Variants in NHEJ1 observed in about 807,000 individuals in gnomAD.
NHEJ1 encodes the protein non-homologous end-joining factor 1.
Under a neutral mutation model 39.4 loss-of-function variants are expected in NHEJ1, and 22 were observed. The observed-to-expected ratio is 0.56, with a 90% CI of 0.40 to 0.80. The LOEUF (loss-of-function observed/expected upper bound fraction) is 0.80. Ranked by LOEUF, NHEJ1 falls within the 30% of genes least tolerant of loss-of-function variation. The pLI is 0.00. For missense variants in NHEJ1, 329 were observed against 357.1 expected (o/e 0.92, Z 0.63); for synonymous variants, 154 against 135.6 (o/e 1.14, Z -0.94).
At chr2:219,112,482 T>C (rs996386724) in intron 5 of NHEJ1, among the ~76,000 whole-genome samples, 2 of 152,152 alleles carry the variant, frequency 1.3e-5, no homozygotes, top group Non-Finnish European at 2.9e-5. Flanking sequence ...AACTGCAGTC[T>C]CTCCAGGAAC....
intron 1 of NHEJ1, among the ~76,000 whole-genome samples, chr2:219,160,333 C>A (rs1035587133): frequency 6.6e-6 from 1 of 152,230 alleles, no homozygotes; most frequent in Non-Finnish European, 1.5e-5. Context: ...CCCACCACAA[C>A]CATAGCCCCA....
chr2:219,076,589 G>T (rs1024789577), intron 7 of NHEJ1, 134 bp from the exon 8 acceptor site: 2 of 782,954 alleles, frequency 2.6e-6, no homozygotes, highest in Non-Finnish European at 4.0e-6. Context: ...TTCCACCCAG[G>T]CTGGAGTACA....
At chr2:219,109,016 G>A (rs1949338872) in intron 5 of NHEJ1, among the ~76,000 whole-genome samples, 1 of 152,174 alleles carries the variant, frequency 6.6e-6, no homozygotes, top group African/African-American at 2.4e-5. Context: ...ACAAAGGATT[G>A]GGACTAGAGA....
In NHEJ1 at chr2:219,159,949, AAATG is replaced by A. The variant is rs199768337; in HGVS notation, c.-1+767_-1+770del. 9.8e-4 allele frequency among the ~76,000 whole-genome samples: 149 copies of A among 152,188 alleles called. 2 individuals carry two copies. In the East Asian group the frequency reaches 0.025, roughly 26 times the overall value. On this transcript the variant is annotated intron_variant, in intron 1 of 7. Transcript: ENST00000356853. Reference sequence around the variant, plus strand: ...TGTTGGGTAAAGGGGGAGGAGTTTAAAATGTGGCCAGGAGTAACGGGCCCTATAA... The same window carrying A: ...TGTTGGGTAAAGGGGGAGGAGTTTAATGGCCAGGAGTAACGGGCCCTATAA...
At chr2:219,157,989 TCTCACACACACACACACACACACACA>T (rs1949872518) in intron 2 of NHEJ1, among the ~76,000 whole-genome samples, 171 bp downstream of exon 2, 3 of 119,150 alleles carry the variant, frequency 2.5e-5, no homozygotes, top group Non-Finnish European at 5.1e-5. Flanking sequence ...TCTCTCTCTC[TCTCACACACACACACACACACACACA>T]CACACACACA....
At chr2:219,100,447 C>A (rs114379095) in intron 5 of NHEJ1, among the ~76,000 whole-genome samples, 393 of 133,958 alleles carry the variant, frequency 2.9e-3, no homozygotes, top group Non-Finnish European at 4.1e-3. Flanking sequence ...TACTAAAATG[C>A]AAAAAAAAAA....
intron 5 of NHEJ1, among the ~76,000 whole-genome samples, chr2:219,108,153 C>T (rs962794134): frequency 3.9e-5 from 6 of 152,306 alleles, no homozygotes; most frequent in Admixed American, 3.9e-4. Context: ...TTGTCCAGCC[C>T]AGGAAGAACA....
intron 5 of NHEJ1, among the ~76,000 whole-genome samples, chr2:219,099,426 A>C (rs1949236180): frequency 6.6e-6 from 1 of 152,216 alleles, no homozygotes; most frequent in Admixed American, 6.5e-5. Context: ...GCTCTAGGGT[A>C]TGTCCAGAGA....
chr2:219,097,112 C>G (rs1304278565), intron 5 of NHEJ1, among the ~76,000 whole-genome samples: 1 of 152,152 alleles, frequency 6.6e-6, no homozygotes, highest in Non-Finnish European at 1.5e-5. Context: ...TTCTGCCCAA[C>G]AGAAGGCTAA....
rs946275429 is a variant in NHEJ1 at position 219,072,103 on chromosome 2, CT to C, written c.*4277del. ...GAAGGATTCCCTATGGTCCCTCTTC[CT>C]CACATAAGACAAGCTACCTCATACC... On this transcript the variant is annotated 3_prime_UTR_variant, in exon 8 of 8. Coordinates refer to ENST00000356853, the MANE Select transcript of NHEJ1 (RefSeq NM_024782.3). Among the ~76,000 whole-genome samples, 3 of 152,182 alleles carry C rather than the reference CT, an allele frequency of 2.0e-5. No individual in the cohort carries two copies. Among genetic ancestry groups the C allele is most frequent in the African/African-American group, 7.2e-5 (3 of 41,450 alleles).
intron 5 of NHEJ1, among the ~76,000 whole-genome samples, chr2:219,088,455 T>C (rs1220539658): frequency 6.6e-6 from 1 of 151,396 alleles, no homozygotes; most frequent in African/African-American, 2.4e-5. Flanking sequence ...ATCATGCCAC[T>C]GCAAGCCAGC....
At chr2:219,147,313 A>G (rs1014169918) in intron 4 of NHEJ1, among the ~76,000 whole-genome samples, 1 of 152,112 alleles carries the variant, frequency 6.6e-6, no homozygotes, top group Non-Finnish European at 1.5e-5. Flanking sequence ...AACCCCGTCT[A>G]TATTAAAAAT....
In NHEJ1 at chr2:219,069,975, C is replaced by A. The variant is rs1210321885; in HGVS notation, c.*6406G>T. 6.6e-6 allele frequency among the ~76,000 whole-genome samples: 1 copy of A among 152,172 alleles called. No homozygotes were observed. The highest frequency in any genetic ancestry group is 1.5e-5 in the Non-Finnish European group (1 of 68,026). ...TGTATTGGGAATGAGATAGAGAAATCCACATTCAACAAGAAACAGGAATCA... is the reference window on the plus strand; with the variant it reads ...TGTATTGGGAATGAGATAGAGAAATACACATTCAACAAGAAACAGGAATCA... On this transcript the variant is annotated 3_prime_UTR_variant, in exon 8 of 8. Coordinates refer to ENST00000356853, the MANE Select transcript of NHEJ1 (RefSeq NM_024782.3).
chr2:219,129,222 A>G (rs1181150602), intron 5 of NHEJ1, among the ~76,000 whole-genome samples: 1 of 152,262 alleles, frequency 6.6e-6, no homozygotes, highest in East Asian at 1.9e-4. Flanking sequence ...TATGTAAAAC[A>G]GTGCACCTAT....
At chr2:219,123,837 C>A (rs899782279) in intron 5 of NHEJ1, among the ~76,000 whole-genome samples, 4 of 152,206 alleles carry the variant, frequency 2.6e-5, no homozygotes, top group Non-Finnish European at 5.9e-5. Context: ...TGAGAGGCCA[C>A]ACCTAGGAAG....
chr2:219,116,531 C>CT (rs1949418346), intron 5 of NHEJ1, among the ~76,000 whole-genome samples: 2 of 151,980 alleles, frequency 1.3e-5, no homozygotes, highest in Non-Finnish European at 1.5e-5. Flanking sequence ...TAATTTTTGT[C>CT]TTTTTTTGTA....
chr2:219,098,433 A>G (rs1204327582), intron 5 of NHEJ1, among the ~76,000 whole-genome samples: 1 of 152,226 alleles, frequency 6.6e-6, no homozygotes, highest in Non-Finnish European at 1.5e-5. Context: ...GTGAGATAGA[A>G]TCTAATGCAC....
chr2:219,080,636 TAA>T (rs569461886), intron 5 of NHEJ1, among the ~76,000 whole-genome samples: 19 of 140,408 alleles, frequency 1.4e-4, no homozygotes, highest in Admixed American at 1.1e-3. Flanking sequence ...CTAATATATA[TAA>T]GCTTATATAT....
intron 2 of NHEJ1, 101 bp downstream of exon 2, chr2:219,158,085 G>A (rs1281324316): frequency 9.1e-7 from 1 of 1,098,888 alleles, no homozygotes; most frequent in Non-Finnish European, 1.3e-6. Flanking sequence ...ACATTAACTG[G>A]AATTGTCTCA....
Sources: gnomAD v4.1 joint callset for allele counts (sites outside exome capture counted in the v4.1 genomes callset) on GRCh38, gnomAD v4.1.1 for gene constraint, MANE v1.5 for transcripts, NCBI Gene and HGNC (gene_info 2026-07-23, HGNC 2026-07-21) for gene names.